Variants in CAMKMT observed in about 807,000 individuals in gnomAD.
CAMKMT encodes CaM KMT.
Under a neutral mutation model 48.0 loss-of-function variants are expected in CAMKMT, and 53 were observed. The observed-to-expected ratio is 1.10, with a 90% CI of 0.89 to 1.39. The LOEUF is 1.39. Ranked by LOEUF, CAMKMT falls within the 40% of genes most tolerant of loss-of-function variation. The probability of loss-of-function intolerance (pLI) is 0.00; values close to 1 mark genes in which losing one functional copy is unlikely to be tolerated. For missense variants in CAMKMT, 428 were observed against 402.7 expected, an observed-to-expected ratio of 1.06 and a Z score of -0.54; for synonymous variants, 165 against 152.3, an observed-to-expected ratio of 1.08 and a Z score of -0.61.
chr2:44,465,743 G>C (rs1025219233), intron 3 of CAMKMT, among the ~76,000 whole-genome samples: 4 of 152,144 alleles, frequency 2.6e-5, no homozygotes, highest in African/African-American at 9.7e-5. Context: ...AAAGAACAGA[G>C]AGTAGCTGAT....
intron 3 of CAMKMT, among the ~76,000 whole-genome samples, chr2:44,490,612 A>T (rs1168408144): frequency 2.6e-5 from 4 of 152,160 alleles, no homozygotes; most frequent in African/African-American, 7.2e-5. Flanking sequence ...CCACATATTT[A>T]TCTTCATTTT....
intron 3 of CAMKMT, among the ~76,000 whole-genome samples, chr2:44,475,525 C>A (rs573807215): frequency 6.6e-6 from 1 of 152,016 alleles, no homozygotes; most frequent in Non-Finnish European, 1.5e-5. Flanking sequence ...ACCATGTTGG[C>A]CAGGATGGTC....
chr2:44,740,375 C>A (rs941290908), intron 7 of CAMKMT, among the ~76,000 whole-genome samples: 2 of 152,028 alleles, frequency 1.3e-5, no homozygotes, highest in African/African-American at 4.8e-5. Context: ...AGCAATCCAC[C>A]CGCTTCGGTC....
chr2:44,596,564 A>T (rs1301778521), intron 3 of CAMKMT, among the ~76,000 whole-genome samples: 1 of 152,190 alleles, frequency 6.6e-6, no homozygotes, highest in African/African-American at 2.4e-5. Flanking sequence ...CAAGCCCCCC[A>T]TCTGATTCTG....
intron 3 of CAMKMT, among the ~76,000 whole-genome samples, chr2:44,678,199 T>A (rs995352726): frequency 1.3e-5 from 2 of 152,194 alleles, no homozygotes; most frequent in African/African-American, 4.8e-5. Flanking sequence ...AAAAATTTTT[T>A]AAATGCGTGA....
intron 3 of CAMKMT, among the ~76,000 whole-genome samples, chr2:44,665,536 C>A (rs966002012): frequency 6.6e-6 from 1 of 152,114 alleles, no homozygotes; most frequent in South Asian, 2.1e-4. Flanking sequence ...TGCCCTTGAA[C>A]CAGGCAATGA....
intron 9 of CAMKMT, among the ~76,000 whole-genome samples, chr2:44,762,561 C>A (rs184516587): frequency 1.3e-5 from 2 of 152,098 alleles, no homozygotes. Context: ...TGTTAAATGA[C>A]AAGTTAATGG....
intron 4 of CAMKMT, 108 bp downstream of exon 4, chr2:44,704,451 T>G: frequency 1.3e-6 from 1 of 743,194 alleles, no homozygotes; most frequent in South Asian, 2.8e-5. Context: ...GAAAAAAATA[T>G]AAGAAAAGAA....
At chr2:44,390,900 T>G (rs1681277708) in intron 3 of CAMKMT, among the ~76,000 whole-genome samples, 1 of 152,330 alleles carries the variant, frequency 6.6e-6, no homozygotes, top group East Asian at 1.9e-4. Flanking sequence ...TTATAATTCT[T>G]GTAATTAATT....
At chr2:44,366,388 G>A (rs1678596667) in intron 1 of CAMKMT, among the ~76,000 whole-genome samples, 1 of 152,136 alleles carries the variant, frequency 6.6e-6, no homozygotes, top group Non-Finnish European at 1.5e-5. Context: ...TATTTAGATT[G>A]TTTTGGAATG....
intron 3 of CAMKMT, among the ~76,000 whole-genome samples, chr2:44,683,836 A>AG (rs1291726733): frequency 1.3e-5 from 2 of 150,718 alleles, no homozygotes; most frequent in Non-Finnish European, 3.0e-5. Context: ...AAAAAAAAAA[A>AG]AAAAAAAGAA....
At chr2:44,398,393 A>G (rs1463924876) in intron 3 of CAMKMT, among the ~76,000 whole-genome samples, 2 of 152,196 alleles carry the variant, frequency 1.3e-5, no homozygotes, top group African/African-American at 4.8e-5. Flanking sequence ...GAGGAGACTG[A>G]TTAAAGGTCA....
At chr2:44,632,107 A>G (rs986425419) in intron 3 of CAMKMT, among the ~76,000 whole-genome samples, 3 of 152,128 alleles carry the variant, frequency 2.0e-5, no homozygotes, top group Non-Finnish European at 4.4e-5. Flanking sequence ...AAAAAAAGAA[A>G]AATGTTTGTA....
intron 3 of CAMKMT, among the ~76,000 whole-genome samples, chr2:44,492,210 G>A (rs1669541210): frequency 6.6e-6 from 1 of 152,108 alleles, no homozygotes; most frequent in African/African-American, 2.4e-5. Context: ...GAGAATAAAG[G>A]AGGATATTCA....
At chr2:44,369,805 G>A (rs1029355564) in intron 1 of CAMKMT, 2 of 152,160 alleles carry the variant, frequency 1.3e-5, no homozygotes, top group African/African-American at 4.8e-5. Flanking sequence ...CTCTGTTAAA[G>A]CTGCTTCAGA....
At chr2:44,505,237 G>T (rs1670201550) in intron 3 of CAMKMT, among the ~76,000 whole-genome samples, 1 of 150,870 alleles carries the variant, frequency 6.6e-6, no homozygotes, top group Admixed American at 6.6e-5. Context: ...CTTTCTAATT[G>T]TTTTTTTTTA....
At chr2:44,663,083 G>T (rs1271726452) in intron 3 of CAMKMT, among the ~76,000 whole-genome samples, 1 of 152,072 alleles carries the variant, frequency 6.6e-6, no homozygotes, top group Admixed American at 6.5e-5. Flanking sequence ...CCAAGAATAA[G>T]AATATTTTCT....
At chr2:44,598,978 C>A (rs1386886244) in intron 3 of CAMKMT, among the ~76,000 whole-genome samples, 1 of 151,882 alleles carries the variant, frequency 6.6e-6, no homozygotes, top group South Asian at 2.1e-4. Flanking sequence ...GCATTTTTGT[C>A]TGTGCAGGGC....
rs4039614 is a variant in CAMKMT, at chr2:44,546,154, GACACACACACACACAC to G, written c.376+155883_376+155898del. On this transcript the variant is annotated intron_variant, in intron 3 of 10. Coordinates refer to ENST00000378494, the MANE Select transcript of CAMKMT (RefSeq NM_024766.5). ...GGATCTGGCTATCTTAGACTGCTAG[GACACACACACACACAC>G]ACACACACACACACACACACACACA... 3.2e-3 allele frequency among the ~76,000 whole-genome samples: 415 copies of G among 129,166 alleles called. 1 individual carries two copies. Among genetic ancestry groups the G allele is most frequent in the Non-Finnish European group, 4.6e-3 (284 of 62,148 alleles). 84.7% of individuals were successfully genotyped at this position (129,166 alleles called of 152,430 possible).
Sources: gnomAD v4.1 joint callset for allele counts (sites outside exome capture counted in the v4.1 genomes callset) on GRCh38, gnomAD v4.1.1 for gene constraint, MANE v1.5 for transcripts, NCBI Gene and HGNC (gene_info 2026-07-23, HGNC 2026-07-21) for gene names.